CMTM4: variants seen among roughly 807,000 people sequenced by gnomAD.
The protein encoded by CMTM4 is CKLF like MARVEL transmembrane domain containing 4.
CMTM4 carries 8 observed loss-of-function variants against 19.0 expected under a neutral mutation model. The observed-to-expected ratio is 0.42, with a 90% CI of 0.25 to 0.76. The LOEUF (loss-of-function observed/expected upper bound fraction) is 0.76, where lower values mean the gene tolerates loss of function less well. Ranked by LOEUF, CMTM4 falls within the 30% of genes least tolerant of loss-of-function variation. The pLI is 0.27. For synonymous variants in CMTM4, 106 were observed against 121.1 expected, an observed-to-expected ratio of 0.88 and a Z score of 0.82; for missense variants, 228 against 290.2, an observed-to-expected ratio of 0.79 and a Z score of 1.56.
intron 1 of CMTM4, among the ~76,000 whole-genome samples, chr16:66,653,823 T>G (rs1380236678): frequency 1.3e-5 from 2 of 152,166 alleles, no homozygotes; most frequent in African/African-American, 4.8e-5. Flanking sequence ...AACCTCTGCC[T>G]ACCGGGTTCA....
At position 66,619,207 on chromosome 16, in the gene CMTM4, A is replaced by G. The variant is rs953564072; in HGVS notation, c.*2851T>C. On this transcript the variant is annotated 3_prime_UTR_variant, in exon 4 of 4. Coordinates refer to ENST00000394106, the MANE Select transcript of CMTM4 (RefSeq NM_181521.3). ...ATGCCTTCAGCAGTGTGAAAGAAGG[A>G]TATCAAAGAGAATCAGAGGGAAAAA... 4 of 985,350 alleles carry G rather than the reference A, an allele frequency of 4.1e-6. No homozygotes were observed. The highest frequency in any genetic ancestry group is 5.2e-4 in the Middle Eastern group (1 of 1,936). 61.0% of individuals were successfully genotyped at this position (985,350 alleles called of 1,614,324 possible).
chr16:66,690,612 A>C (rs1175906879), intron 1 of CMTM4, among the ~76,000 whole-genome samples: 2 of 152,164 alleles, frequency 1.3e-5, no homozygotes, highest in Non-Finnish European at 2.9e-5. Flanking sequence ...AATAAAAGAG[A>C]TGCCATTACC....
chr16:66,634,949 G>A (rs2015962279), intron 2 of CMTM4, among the ~76,000 whole-genome samples: 1 of 152,032 alleles, frequency 6.6e-6, no homozygotes, highest in African/African-American at 2.4e-5. Flanking sequence ...CTGCTTCTTT[G>A]TCAAACAGGT....
At chr16:66,629,833 G>C (rs1021300378) in intron 2 of CMTM4, among the ~76,000 whole-genome samples, 2 of 152,190 alleles carry the variant, frequency 1.3e-5, no homozygotes, top group African/African-American at 4.8e-5. Context: ...CCTGAACGAT[G>C]GGGTCTGGGG....
chr16:66,626,652 C>G (rs2015745486), intron 2 of CMTM4, among the ~76,000 whole-genome samples: 1 of 151,792 alleles, frequency 6.6e-6, no homozygotes, highest in Non-Finnish European at 1.5e-5. Context: ...TGCCTGTAGT[C>G]CCAGCTACTC....
chr16:66,687,481 C>T (rs1375511538), intron 1 of CMTM4, among the ~76,000 whole-genome samples: 1 of 151,896 alleles, frequency 6.6e-6, no homozygotes, highest in Non-Finnish European at 1.5e-5. Flanking sequence ...GCCTAGGCAA[C>T]ATAGCGAGAC....
At chr16:66,607,717 T>G in the CMTM4 span, among the ~76,000 whole-genome samples, 1 of 152,136 alleles carries the variant, frequency 6.6e-6, no homozygotes, top group Non-Finnish European at 1.5e-5. Context: ...TGCATGTGCT[T>G]GGAAGGCTGG....
intron 1 of CMTM4, among the ~76,000 whole-genome samples, chr16:66,695,981 C>T (rs2144938892): frequency 6.6e-6 from 1 of 152,314 alleles, no homozygotes; most frequent in Middle Eastern, 3.4e-3. Flanking sequence ...GAAAACCTGC[C>T]ACAGGTTGCT....
rs981773901 is a variant in CMTM4 at position 66,666,059 on chromosome 16, G to A, written c.187-29478C>T. 1.2e-3 allele frequency among the ~76,000 whole-genome samples: 172 copies of A among 137,730 alleles called. No individual in the cohort carries two copies. In the Middle Eastern group the frequency reaches 0.013, roughly 11 times the overall value. The allele number at this position is 137,730 out of a possible 152,430, so 90.4% of individuals were successfully genotyped here. A position where few individuals can be genotyped will look rare whatever the true frequency, so the allele number is the denominator to read the frequency against. On this transcript the variant is annotated intron_variant, in intron 1 of 3. Coordinates refer to ENST00000394106, the MANE Select transcript of CMTM4 (RefSeq NM_181521.3). ...TGCACTCCAGCCTGGGCGACAGAGTGAGACTCTGTCTCAAAAAAAACAGAA... is the reference window on the plus strand; with the variant it reads ...TGCACTCCAGCCTGGGCGACAGAGTAAGACTCTGTCTCAAAAAAAACAGAA...
At chr16:66,695,142 T>C (rs1308089599) in intron 1 of CMTM4, among the ~76,000 whole-genome samples, 1 of 152,108 alleles carries the variant, frequency 6.6e-6, no homozygotes, top group African/African-American at 2.4e-5. Flanking sequence ...AGCCCAGTAG[T>C]TGGAGACCAG....
chr16:66,610,230 C>T (rs1007386755), downstream of CMTM4, among the ~76,000 whole-genome samples: 8 of 152,184 alleles, frequency 5.3e-5, no homozygotes, highest in African/African-American at 1.9e-4. The surrounding 1 kb of genome is among the most constrained non-coding windows in gnomAD (Gnocchi z 4.6). Flanking sequence ...AAGCAGTGGG[C>T]ATGGCTGAGC....
chr16:66,689,931 G>A (rs1395429177), intron 1 of CMTM4, among the ~76,000 whole-genome samples: 1 of 152,066 alleles, frequency 6.6e-6, no homozygotes, highest in Non-Finnish European at 1.5e-5. Context: ...TCTTTGTGTG[G>A]TTTTGTAAAA....
intron 1 of CMTM4, 27 bp from the exon 2 acceptor site, chr16:66,636,608 G>A (rs2015996209): frequency 6.3e-7 from 1 of 1,587,692 alleles, no homozygotes; most frequent in Non-Finnish European, 8.6e-7. Flanking sequence ...AAACATATAT[G>A]TACGTATATG....
chr16:66,670,439 CAAAA>C (rs35296025), intron 1 of CMTM4, among the ~76,000 whole-genome samples: 8 of 91,384 alleles, frequency 8.8e-5, no homozygotes, highest in Non-Finnish European at 4.3e-5. Flanking sequence ...GACTCTGTCT[CAAAA>C]AAAAAAAAAA....
In CMTM4 at chr16:66,621,775, T is replaced by A; in HGVS notation, c.*283A>T. Reference sequence around the variant, plus strand: ...TTACAAATACACACGACAAGGTGGCTCAGAGTCAAAGGAAGCCTGTGCTTC... The same window carrying A: ...TTACAAATACACACGACAAGGTGGCACAGAGTCAAAGGAAGCCTGTGCTTC... On this transcript the variant is annotated 3_prime_UTR_variant, in exon 4 of 4. Coordinates refer to ENST00000394106, the MANE Select transcript of CMTM4 (RefSeq NM_181521.3). The A allele has an allele frequency of 7.9e-7, 1 of 1,266,676 alleles. No individual in the cohort carries two copies. Among genetic ancestry groups the A allele is most frequent in the East Asian group, 3.3e-5 (1 of 30,184 alleles). 78.5% of individuals were successfully genotyped at this position (1,266,676 alleles called of 1,614,324 possible). A position where few individuals can be genotyped will look rare whatever the true frequency, so the allele number is the denominator to read the frequency against.
At chr16:66,631,182 C>CCAGGCCAGCCGCCCCGT (rs2015857025) in intron 2 of CMTM4, among the ~76,000 whole-genome samples, 1 of 150,138 alleles carries the variant, frequency 6.7e-6, no homozygotes, top group Non-Finnish European at 1.5e-5. Flanking sequence ...TCAGCCCCCG[C>CCAGGCCAGCCGCCCCGT]CCGGCCAGCC....
intron 1 of CMTM4, among the ~76,000 whole-genome samples, chr16:66,639,335 G>A (rs570741064): frequency 1.4e-4 from 21 of 152,208 alleles, no homozygotes; most frequent in Admixed American, 6.5e-4. Flanking sequence ...GTGTGGGAAG[G>A]TAACACCTAC....
rs1263464440 is a variant in CMTM4 at position 66,618,830 on chromosome 16, C to T, written c.*3228G>A. ...GTCAGACACATTCCCTGGCTGCCCACAGGCGTGAGCCTTCCTGCCAGGGGA... is the reference window on the plus strand; with the variant it reads ...GTCAGACACATTCCCTGGCTGCCCATAGGCGTGAGCCTTCCTGCCAGGGGA... On this transcript the variant is annotated 3_prime_UTR_variant, in exon 4 of 4. Coordinates refer to ENST00000394106, the MANE Select transcript of CMTM4 (RefSeq NM_181521.3). The T allele has an allele frequency of 4.1e-6, 4 of 985,408 alleles. No homozygotes were observed. Among genetic ancestry groups the T allele is most frequent in the East Asian group, 1.1e-4 (1 of 8,830 alleles). The allele number at this position is 985,408 out of a possible 1,614,324, so 61.0% of individuals were successfully genotyped here. A position where few individuals can be genotyped will look rare whatever the true frequency, so the allele number is the denominator to read the frequency against.
intron 1 of CMTM4, among the ~76,000 whole-genome samples, chr16:66,653,484 C>CCTGA (rs1386473369): frequency 1.3e-5 from 2 of 152,086 alleles, no homozygotes; most frequent in African/African-American, 2.4e-5. Context: ...AACCTATGAC[C>CCTGA]CCCAGGGCCG....
Sources: allele counts gnomAD v4.1 joint callset (sites outside exome capture counted in the v4.1 genomes callset), GRCh38; gene constraint gnomAD v4.1.1; non-coding constraint Gnocchi (gnomAD v3.1); transcripts MANE v1.5; gene names NCBI Gene and HGNC (gene_info 2026-07-23, HGNC 2026-07-21).